Variants in DNAH14 observed in about 807,000 individuals in gnomAD.
The protein encoded by DNAH14 is axonemal beta dynein heavy chain 14.
In DNAH14, 478 loss-of-function variants were observed where a neutral mutation model predicts 520.9. That is an observed-to-expected ratio of 0.92 (90% confidence interval 0.85 to 0.99). The LOEUF (loss-of-function observed/expected upper bound fraction) is 0.99, where lower values mean the gene tolerates loss of function less well. DNAH14 is among the 50% of genes least tolerant of loss of function. The pLI, the probability that DNAH14 is intolerant of heterozygous loss-of-function variation, is 0.00. For missense variants in DNAH14, 4,831 were observed against 5,234.5 expected, an observed-to-expected ratio of 0.92 and a Z score of 2.38; for synonymous variants, 1,581 against 1,757.2, an observed-to-expected ratio of 0.90 and a Z score of 2.51.
intron 17 of DNAH14, among the ~76,000 whole-genome samples, chr1:225,077,233 A>G (rs2072409838): frequency 6.6e-6 from 1 of 152,118 alleles, no homozygotes; most frequent in Non-Finnish European, 1.5e-5. Context: ...TGACTTTCTA[A>G]GGGTAATCTC....
chr1:225,069,896 T>C (rs2148482106), intron 17 of DNAH14, among the ~76,000 whole-genome samples: 1 of 152,322 alleles, frequency 6.6e-6, no homozygotes, highest in South Asian at 2.1e-4. Context: ...TCATTTTTGG[T>C]CTGTTCAGGG....
chr1:225,080,735 G>A lies in DNAH14; in HGVS notation c.3123G>A (p.Ser1041=), dbSNP rs1052156927. Reference sequence around the variant, plus strand: ...TTTCAAAACTGATGCACATAATCTCGGTACTAGAAAAAGGTAAAAATGTGT... The same window carrying A: ...TTTCAAAACTGATGCACATAATCTCAGTACTAGAAAAAGGTAAAAATGTGT... ...RNVSKLMHII[S]VLEKGLPKSD... The change falls in exon 19 of 86, where the codon TCG becomes TCA. Residue 1041 remains serine, a synonymous_variant. Transcript: ENST00000682510. 3.6e-5 allele frequency: 55 copies of A among 1,514,050 alleles called. No individual in the cohort carries two copies. Among genetic ancestry groups the A allele is most frequent in the Non-Finnish European group, 4.3e-5 (49 of 1,130,362 alleles). 93.8% of individuals were successfully genotyped at this position (1,514,050 alleles called of 1,614,324 possible). A position where few individuals can be genotyped will look rare whatever the true frequency, so the allele number is the denominator to read the frequency against.
intron 43 of DNAH14, among the ~76,000 whole-genome samples, chr1:225,243,936 G>C (rs534201389): frequency 1.2e-4 from 19 of 152,028 alleles, no homozygotes; most frequent in Non-Finnish European, 2.8e-4. Flanking sequence ...TTTTCAAAGG[G>C]AATGTTTCCA....
intron 69 of DNAH14, among the ~76,000 whole-genome samples, chr1:225,344,234 TTTTAAC>T (rs898358800): frequency 1.3e-5 from 2 of 152,102 alleles, no homozygotes; most frequent in African/African-American, 4.8e-5. Context: ...TTTTTTTTTT[TTTTAAC>T]TTTTAAGTTC....
chr1:225,188,871 T>C (rs753026407), intron 37 of DNAH14, among the ~76,000 whole-genome samples: 10 of 151,920 alleles, frequency 6.6e-5, no homozygotes, highest in Non-Finnish European at 1.5e-4. Flanking sequence ...AGTTTTCTAG[T>C]TTTCAATATA....
At chr1:225,059,546 T>C (rs537506799) in intron 17 of DNAH14, among the ~76,000 whole-genome samples, 2 of 152,394 alleles carry the variant, frequency 1.3e-5, no homozygotes, top group African/African-American at 4.8e-5. Context: ...AATATCGTTA[T>C]GTGTGAATTC....
In DNAH14 at chr1:225,264,230, T is replaced by G; in HGVS notation, c.7191T>G (p.Pro2397=). 6.5e-7 allele frequency: 1 copy of G among 1,550,054 alleles called. No individual in the cohort carries two copies. The change falls in exon 47 of 86, where the codon CCT becomes CCG. Residue 2397 remains proline, a synonymous_variant. Coordinates refer to ENST00000682510, the MANE Select transcript of DNAH14 (RefSeq NM_001367479.1). ...AACAGAATATCACCATCTTGATTCC[T>G]GAAACTCATAAGACAGCAACTGGAA... ...SLKQNITILI[P]ETHKTATGSS...
At chr1:224,970,361 T>C (rs188377040) in intron 7 of DNAH14, among the ~76,000 whole-genome samples, 97 of 152,222 alleles carry the variant, frequency 6.4e-4, no homozygotes, top group African/African-American at 2.2e-3. Context: ...TGCCCGAAAC[T>C]TCATTGGCAA....
chr1:225,301,898 C>A (rs2094145879), intron 56 of DNAH14, among the ~76,000 whole-genome samples: 2 of 151,662 alleles, frequency 1.3e-5, no homozygotes, highest in African/African-American at 2.4e-5. Context: ...TTTTTTAATA[C>A]CGTGGTAGGA....
intron 36 of DNAH14, among the ~76,000 whole-genome samples, chr1:225,182,037 T>C (rs1047670527): frequency 6.7e-6 from 1 of 150,298 alleles, no homozygotes; most frequent in Non-Finnish European, 1.5e-5. Flanking sequence ...AAAATAAAAA[T>C]ACCAAAAAAA....
intron 17 of DNAH14, among the ~76,000 whole-genome samples, chr1:225,074,910 G>C (rs1205900652): frequency 6.6e-6 from 1 of 152,222 alleles, no homozygotes; most frequent in Non-Finnish European, 1.5e-5. Context: ...CATCGTGAAA[G>C]TAGCACCCCC....
chr1:225,241,855 T>C (rs1228621059), intron 43 of DNAH14, among the ~76,000 whole-genome samples: 1 of 152,214 alleles, frequency 6.6e-6, no homozygotes, highest in Non-Finnish European at 1.5e-5. Flanking sequence ...TGTGAAGGCC[T>C]CAGACATTAC....
chr1:224,939,245 C>A (rs2059245936), intron 1 of DNAH14, among the ~76,000 whole-genome samples: 2 of 152,164 alleles, frequency 1.3e-5, no homozygotes, highest in Admixed American at 1.3e-4. Context: ...GTCTAATAAA[C>A]CAGTTAAACA....
At chr1:225,370,552 T>C (rs535811631) in intron 77 of DNAH14, among the ~76,000 whole-genome samples, 1 of 151,286 alleles carries the variant, frequency 6.6e-6, no homozygotes, top group East Asian at 1.9e-4. Context: ...CACAAATATC[T>C]CAAAAACAAT....
Position 225,299,777 on chromosome 1 carries a change from AGAGT to A in DNAH14, c.8470-1090_8470-1087del, listed in dbSNP as rs528707162. Among the ~76,000 whole-genome samples, 7 of 152,308 alleles carry A rather than the reference AGAGT, an allele frequency of 4.6e-5. No individual in the cohort carries two copies. The South Asian group carries it at 1.5e-3, about 32-fold the overall frequency. On this transcript the variant is annotated intron_variant, in intron 55 of 85. Coordinates refer to ENST00000682510, the MANE Select transcript of DNAH14 (RefSeq NM_001367479.1). The stretch of plus-strand genomic sequence containing the variant: ...TCATTGCTTTTCATGTGACTCAAAA[AGAGT>A]GGGTAACTATCAGTGTGTAACAAGC...
chr1:225,244,294 G>T (rs2092146589), intron 43 of DNAH14, among the ~76,000 whole-genome samples: 1 of 152,284 alleles, frequency 6.6e-6, no homozygotes, highest in Admixed American at 6.5e-5. Context: ...GTTCATCAGG[G>T]ATATTGGCCT....
At chr1:225,324,110 C>G in intron 62 of DNAH14, 112 bp from the exon 63 acceptor site, 2 of 1,366,328 alleles carry the variant, frequency 1.5e-6, no homozygotes, top group South Asian at 1.4e-5. Flanking sequence ...GCCGCCGCCC[C>G]CGGCCTGAAT....
At chr1:225,165,147 A>G (rs558172536) in intron 35 of DNAH14, among the ~76,000 whole-genome samples, 56 of 152,224 alleles carry the variant, frequency 3.7e-4, no homozygotes, top group Non-Finnish European at 6.2e-4. Context: ...TTTTCCTTTA[A>G]TATATTAAAA....
In DNAH14 at chr1:225,346,377, T is replaced by C. The variant is rs1457689721; in HGVS notation, c.11094T>C (p.Phe3698=). Residue 3698 remains phenylalanine (F), a synonymous_variant, in exon 70 of 86, where the codon TTT becomes TTC. Transcript: ENST00000682510. The stretch of plus-strand genomic sequence containing the variant: ...TAGACATGTTGACAAAAAGTATTTT[T>C]AAGGTGAGATATTCTTTAGTGTGAA... ...SAIDMLTKSI[F]KVVSSALFNE... The C allele has an allele frequency of 2.6e-6, 4 of 1,524,342 alleles. No individual in the cohort carries two copies. In the African/African-American group the frequency reaches 5.6e-5, roughly 21 times the overall value. The allele number at this position is 1,524,342 out of a possible 1,614,324, so 94.4% of individuals were successfully genotyped here. A position where few individuals can be genotyped will look rare whatever the true frequency, so the allele number is the denominator to read the frequency against.
Sources: gnomAD v4.1 joint callset for allele counts (sites outside exome capture counted in the v4.1 genomes callset) on GRCh38, gnomAD v4.1.1 for gene constraint, MANE v1.5 for transcripts, NCBI Gene and HGNC (gene_info 2026-07-23, HGNC 2026-07-21) for gene names.